The following FANCI variants were observed in gnomAD, a reference collection of about 807,000 sequenced individuals.
FANCI encodes FA complementation group I, also known as Fanconi anemia group I protein.
Under a neutral mutation model 176.1 loss-of-function variants are expected in FANCI, and 156 were observed. The ratio of observed to expected loss-of-function variants is 0.89; its 90% CI spans 0.78 to 1.01. The LOEUF (loss-of-function observed/expected upper bound fraction) is 1.01. Among genes scored for constraint, FANCI ranks in the 50% least tolerant of loss-of-function variants. FANCI has a pLI of 0.00. For missense variants in FANCI, 1,678 were observed against 1,534.1 expected (o/e 1.09, Z -1.57); for synonymous variants, 613 against 541.7 (o/e 1.13, Z -1.83).
At chr15:89,273,310 TAAAAAAAAAAA>T (rs59945953) in intron 10 of FANCI, 56 bp from the exon 11 acceptor site, 7 of 597,636 alleles carry the variant, frequency 1.2e-5, no homozygotes, top group Non-Finnish European at 1.1e-5. Context: ...TTTTTTTTTT[TAAAAAAAAAAA>T]AAAAAGAAAA....
intron 27 of FANCI, among the ~76,000 whole-genome samples, chr15:89,302,868 T>C (rs1251462738): frequency 6.6e-6 from 1 of 152,128 alleles, no homozygotes; most frequent in Non-Finnish European, 1.5e-5. Flanking sequence ...CCACCGCGCC[T>C]GGCCAAAAAT....
At chr15:89,307,774 TC>T in intron 34 of FANCI, 102 bp downstream of exon 34, 1 of 1,592,802 alleles carries the variant, frequency 6.3e-7, no homozygotes. Context: ...TAAACTTTTT[TC>T]CCTGCTTACC....
intron 2 of FANCI, among the ~76,000 whole-genome samples, chr15:89,249,699 A>T (rs1012814709): frequency 6.6e-6 from 1 of 152,182 alleles, no homozygotes; most frequent in Non-Finnish European, 1.5e-5. Flanking sequence ...CTCACAAAAT[A>T]AGGGATGGAT....
chr15:89,285,908 C>G (rs189764313), intron 18 of FANCI, among the ~76,000 whole-genome samples: 2 of 152,158 alleles, frequency 1.3e-5, no homozygotes, highest in Admixed American at 6.5e-5. Context: ...AGTTTTTTCT[C>G]TTTTTACAAT....
chr15:89,252,098 G>A (rs980904692), intron 2 of FANCI, among the ~76,000 whole-genome samples: 4 of 151,764 alleles, frequency 2.6e-5, no homozygotes, highest in Admixed American at 6.6e-5. Flanking sequence ...TCAGGAGTTC[G>A]AAACCAGCCT....
rs867067167 is a variant in FANCI, at chr15:89,273,036, A to G, written c.883-341A>G. On this transcript the variant is annotated intron_variant, in intron 10 of 37. Transcript: ENST00000310775. ...GTAATGGGACCAGGTGTGGTGGTTCACACCTGTAATCCCAGCACTTTGAGA... is the reference window on the plus strand; with the variant it reads ...GTAATGGGACCAGGTGTGGTGGTTCGCACCTGTAATCCCAGCACTTTGAGA... 2.6e-5 allele frequency among the ~76,000 whole-genome samples: 4 copies of G among 152,202 alleles called. No homozygotes were observed. The East Asian group carries it at 5.8e-4, about 22-fold the overall frequency.
In FANCI at chr15:89,263,916, A is replaced by G. The variant is rs770411592; in HGVS notation, c.559A>G (p.Thr187Ala). ...LTSMFKDVPL[T>A]AEEVEFVVEK... is the part of the protein sequence containing the mutation. ...TTTGATCCACAGGGATGTCCCTCTG[A>G]CTGCAGAAGAGGTGGAATTTGTGGT... The change falls in exon 8 of 38, where the codon ACT becomes GCT. Residue 187 changes from threonine (T) to alanine (A), a missense_variant. By Grantham distance (58) the Thr-to-Ala change is moderately conservative. Transcript: ENST00000310775. 2 of 1,614,114 alleles carry G rather than the reference A, an allele frequency of 1.2e-6. No homozygotes were observed. Among genetic ancestry groups the G allele is most frequent in the Admixed American group, 3.3e-5 (2 of 60,026 alleles).
chr15:89,317,098 A>G lies in FANCI; in HGVS notation c.*639A>G. Reference sequence around the variant, plus strand: ...TTTCTGTCACCTATAGAGTGCAAGAATGCACTCTATAGAATAAATTATCTT... The same window carrying G: ...TTTCTGTCACCTATAGAGTGCAAGAGTGCACTCTATAGAATAAATTATCTT... On this transcript the variant is annotated 3_prime_UTR_variant, in exon 38 of 38. Transcript: ENST00000310775. 1 of 591,874 alleles carries G rather than the reference A, an allele frequency of 1.7e-6. No individual in the cohort carries two copies. Among genetic ancestry groups the G allele is most frequent in the East Asian group, 2.9e-5 (1 of 35,028 alleles). The allele number at this position is 591,874 out of a possible 1,614,324, so 36.7% of individuals were successfully genotyped here. A position where few individuals can be genotyped will look rare whatever the true frequency, so the allele number is the denominator to read the frequency against.
At chr15:89,293,183 A>T (rs1367406899) in intron 22 of FANCI, 120 bp downstream of exon 22, 5 of 1,051,346 alleles carry the variant, frequency 4.8e-6, no homozygotes, top group Non-Finnish European at 7.2e-6. Context: ...TGTCTCTTAA[A>T]TGAGCACCTA....
chr15:89,279,233 C>G (rs1406241022), intron 14 of FANCI, among the ~76,000 whole-genome samples: 1 of 152,202 alleles, frequency 6.6e-6, no homozygotes, highest in Non-Finnish European at 1.5e-5. Context: ...TCTCAGCTCA[C>G]TGCAACCTCT....
chr15:89,274,134 A>G lies in FANCI; in HGVS notation c.976-34A>G, dbSNP rs1021247383. ...TAGGTGCTTGATCTTTTATTTATTT[A>G]TTTTTTCATTTATTTTTATTAACTA... is the stretch of plus-strand genomic sequence containing the variant. On this transcript the variant is annotated intron_variant, in intron 11 of 37. Coordinates refer to ENST00000310775, the MANE Select transcript of FANCI (RefSeq NM_001113378.2). The G allele has an allele frequency of 4.1e-6, 6 of 1,449,402 alleles. No individual in the cohort carries two copies. In the African/African-American group the frequency reaches 7.1e-5, roughly 17 times the overall value. 89.8% of individuals were successfully genotyped at this position (1,449,402 alleles called of 1,614,324 possible).
At chr15:89,314,836 T>TCCCCC (rs1180873508) in intron 36 of FANCI, 129 bp downstream of exon 36, 1 of 217,672 alleles carries the variant, frequency 4.6e-6, no homozygotes, top group Non-Finnish European at 7.8e-6. Context: ...ATCCCCCCTC[T>TCCCCC]CCCCCCCCCC....
At chr15:89,247,793 G>T (rs529235539) in intron 2 of FANCI, 62 bp downstream of exon 2, 42 of 1,441,658 alleles carry the variant, frequency 2.9e-5, no homozygotes, top group Non-Finnish European at 4.0e-5. Flanking sequence ...ACATTCAAAG[G>T]ACATGTGAGA....
chr15:89,285,303 C>T lies in FANCI; in HGVS notation c.1821+85C>T, dbSNP rs2053771017. Reference sequence around the variant, plus strand: ...AATTTTTTTCCTGATTATAAAAGTACAATAGCTATGCTCTTACTTGATGTA... The same window carrying T: ...AATTTTTTTCCTGATTATAAAAGTATAATAGCTATGCTCTTACTTGATGTA... On this transcript the variant is annotated intron_variant, in intron 18 of 37. Transcript: ENST00000310775. The T allele has an allele frequency of 6.6e-6, 10 of 1,526,024 alleles. No homozygotes were observed. In the South Asian group the frequency reaches 1.1e-4, roughly 18 times the overall value. The allele number at this position is 1,526,024 out of a possible 1,614,324, so 94.5% of individuals were successfully genotyped here. A position where few individuals can be genotyped will look rare whatever the true frequency, so the allele number is the denominator to read the frequency against.
chr15:89,279,479 A>G (rs925583171), intron 14 of FANCI, among the ~76,000 whole-genome samples: 4 of 152,170 alleles, frequency 2.6e-5, no homozygotes, highest in Admixed American at 6.5e-5. Context: ...TTTTTAATAC[A>G]TAACTCCTAA....
chr15:89,305,900 T>A, intron 31 of FANCI, 107 bp from the exon 32 acceptor site: 1 of 1,252,508 alleles, frequency 8.0e-7, no homozygotes, highest in Non-Finnish European at 1.2e-6. Context: ...GAATGTTCGT[T>A]TTTCCATAAA....
chr15:89,287,914 A>C (rs1030629578), intron 18 of FANCI, among the ~76,000 whole-genome samples: 7 of 151,912 alleles, frequency 4.6e-5, no homozygotes, highest in African/African-American at 1.7e-4. Flanking sequence ...GTAATGTCAA[A>C]GATCATTTAT....
At chr15:89,303,545 G>A in intron 27 of FANCI, among the ~76,000 whole-genome samples, 1 of 152,170 alleles carries the variant, frequency 6.6e-6, no homozygotes, top group East Asian at 1.9e-4. Context: ...GAGTCTGGGG[G>A]CATGGGAAAG....
At chr15:89,314,058 GACAC>G (rs544351534) in intron 35 of FANCI, among the ~76,000 whole-genome samples, 2 of 62,208 alleles carry the variant, frequency 3.2e-5, no homozygotes, top group African/African-American at 1.2e-4. Flanking sequence ...TATAATCACA[GACAC>G]ACACACACAC....
Sources: gnomAD v4.1 joint callset for allele counts (sites outside exome capture counted in the v4.1 genomes callset) on GRCh38, gnomAD v4.1.1 for gene constraint, MANE v1.5 for transcripts, NCBI Gene and HGNC (gene_info 2026-07-23, HGNC 2026-07-21) for gene names.